The following SIAH2 variants were observed in gnomAD, a reference collection of about 807,000 sequenced individuals.
The protein encoded by SIAH2 is siah E3 ubiquitin protein ligase 2.
A neutral mutation model predicts 20.4 loss-of-function variants in SIAH2; 4 were observed. That is an observed-to-expected ratio of 0.20 (90% CI 0.10 to 0.45). The LOEUF is 0.45. Among genes scored for constraint, SIAH2 ranks in the 20% least tolerant of loss-of-function variants. SIAH2 has a pLI of 0.99. For missense variants in SIAH2, 259 were observed against 440.3 expected, an observed-to-expected ratio of 0.59 and a Z score of 3.69; for synonymous variants, 171 against 192.5, an observed-to-expected ratio of 0.89 and a Z score of 0.93.
intron 1 of SIAH2, among the ~76,000 whole-genome samples, chr3:150,756,318 T>C (rs1487228846): frequency 6.6e-6 from 1 of 152,238 alleles, no homozygotes; most frequent in Admixed American, 6.5e-5. Flanking sequence ...CTGGCACTGG[T>C]ACACAGTTTA....
intron 1 of SIAH2, among the ~76,000 whole-genome samples, chr3:150,761,232 A>G (rs1320068288): frequency 1.3e-5 from 2 of 152,262 alleles, no homozygotes; most frequent in Non-Finnish European, 2.9e-5. Flanking sequence ...ACTGGAAAGT[A>G]TTAGTGACAT....
chr3:150,747,539 G>A (rs1714245263), intron 1 of SIAH2, among the ~76,000 whole-genome samples: 1 of 152,196 alleles, frequency 6.6e-6, no homozygotes, highest in Non-Finnish European at 1.5e-5. Flanking sequence ...CTATAAATGA[G>A]ATTTCTCCTT....
chr3:150,759,321 T>A (rs1190598487), intron 1 of SIAH2, among the ~76,000 whole-genome samples: 1 of 152,216 alleles, frequency 6.6e-6, no homozygotes, highest in Non-Finnish European at 1.5e-5. Context: ...AGTCCAGAGC[T>A]GTGATGATAC....
At chr3:150,748,465 A>T (rs1714277134) in intron 1 of SIAH2, among the ~76,000 whole-genome samples, 1 of 152,188 alleles carries the variant, frequency 6.6e-6, no homozygotes, top group Non-Finnish European at 1.5e-5. Flanking sequence ...TATTTAATTA[A>T]ATCTGATTCC....
chr3:150,754,229 T>A lies in SIAH2; in HGVS notation c.417+8204A>T, dbSNP rs190612001. Among the ~76,000 whole-genome samples, 3 of 152,342 alleles carry A rather than the reference T, an allele frequency of 2.0e-5. No individual in the cohort carries two copies. The East Asian group carries it at 5.8e-4, about 29-fold the overall frequency. ...GAAAAGAGGTTTAATTGGCTCACGG[T>A]TCTGCAAGCTGTACAGGAAGCATAG... On this transcript the variant is annotated intron_variant, in intron 1 of 1. Transcript: ENST00000312960.
chr3:150,761,477 T>G (rs985356409), intron 1 of SIAH2, among the ~76,000 whole-genome samples: 2 of 152,214 alleles, frequency 1.3e-5, no homozygotes, highest in African/African-American at 4.8e-5. Flanking sequence ...GAACAGCAAG[T>G]TGCAGATGCC....
intron 1 of SIAH2, among the ~76,000 whole-genome samples, chr3:150,754,014 A>G (rs775726208): frequency 6.6e-6 from 1 of 152,236 alleles, no homozygotes; most frequent in Non-Finnish European, 1.5e-5. Context: ...TAGAACTGCA[A>G]TATGTGGCCA....
chr3:150,758,960 G>A (rs950213025), intron 1 of SIAH2, among the ~76,000 whole-genome samples: 2 of 151,974 alleles, frequency 1.3e-5, no homozygotes, highest in Admixed American at 6.6e-5. Flanking sequence ...GGTCAGGCTG[G>A]TCTCAAACTC....
At chr3:150,759,974 TGA>T (rs150047514) in intron 1 of SIAH2, among the ~76,000 whole-genome samples, 4,823 of 152,268 alleles carry the variant, frequency 0.032, 231 homozygotes, top group African/African-American at 0.11. Context: ...TGAGAGATTC[TGA>T]GAGCAGGTGG....
chr3:150,744,109 C>G (rs1168002898), intron 1 of SIAH2, among the ~76,000 whole-genome samples: 1 of 151,956 alleles, frequency 6.6e-6, no homozygotes, highest in Admixed American at 6.6e-5. Flanking sequence ...CAAATTCTAA[C>G]CTTCATAGAT....
chr3:150,748,897 G>A (rs1377027297), intron 1 of SIAH2, among the ~76,000 whole-genome samples: 2 of 152,208 alleles, frequency 1.3e-5, no homozygotes, highest in African/African-American at 4.8e-5. Flanking sequence ...GGCAAAAGCT[G>A]TAATTTGAAT....
Position 150,762,684 on chromosome 3 carries a change from A to T in SIAH2, c.166T>A (p.Ser56Thr). 7.2e-7 allele frequency: 1 copy of T among 1,380,196 alleles called. No homozygotes were observed. The highest frequency in any genetic ancestry group is 9.4e-7 in the Non-Finnish European group (1 of 1,065,920). The allele number at this position is 1,380,196 out of a possible 1,614,324, so 85.5% of individuals were successfully genotyped here. ...SAVPAAAAVI[S>T]GPGGGGGAGP... ...GCCCCGCCGCCGCCGCCGGGGCCCG[A>T]GATCACCGCCGCCGCGGCGGGCACC... Residue 56 changes from serine to threonine, a missense_variant, in exon 1 of 2, where the codon TCG becomes ACG. Ser to Thr is a moderately conservative substitution (Grantham distance 58). Coordinates refer to ENST00000312960, the MANE Select transcript of SIAH2 (RefSeq NM_005067.7). This position sits in a 1 kb window ranked among gnomAD's most constrained non-coding sequence, Gnocchi z 6.6.
At chr3:150,751,689 A>G (rs1714369812) in intron 1 of SIAH2, among the ~76,000 whole-genome samples, 1 of 152,164 alleles carries the variant, frequency 6.6e-6, no homozygotes, top group African/African-American at 2.4e-5. Context: ...CTTTCTTACT[A>G]AGAGGTGTCT....
chr3:150,749,537 A>C (rs143740654), intron 1 of SIAH2, among the ~76,000 whole-genome samples: 1,610 of 152,272 alleles, frequency 0.011, 28 homozygotes, highest in African/African-American at 0.037. Context: ...CATACTAAAG[A>C]ATCCAGGGAC....
At chr3:150,749,935 T>A (rs920895271) in intron 1 of SIAH2, among the ~76,000 whole-genome samples, 1 of 152,218 alleles carries the variant, frequency 6.6e-6, no homozygotes, top group African/African-American at 2.4e-5. Flanking sequence ...CTAGACCCAT[T>A]TGAAAGATGA....
chr3:150,750,041 A>C (rs1006569065), intron 1 of SIAH2, among the ~76,000 whole-genome samples: 1 of 152,208 alleles, frequency 6.6e-6, no homozygotes, highest in Admixed American at 6.5e-5. Flanking sequence ...TGGAAGGATG[A>C]ATTTCTGACA....
intron 1 of SIAH2, among the ~76,000 whole-genome samples, chr3:150,758,152 A>C (rs1265800651): frequency 6.6e-6 from 1 of 152,150 alleles, no homozygotes; most frequent in Non-Finnish European, 1.5e-5. Flanking sequence ...ACTTGGTTTT[A>C]TGTTATTTTT....
intron 1 of SIAH2, among the ~76,000 whole-genome samples, chr3:150,756,179 A>C (rs1253203182): frequency 6.6e-6 from 1 of 152,236 alleles, no homozygotes; most frequent in Non-Finnish European, 1.5e-5. Context: ...TCTTAAAATA[A>C]AGATACATTT....
At chr3:150,759,665 C>A (rs142890158) in intron 1 of SIAH2, among the ~76,000 whole-genome samples, 40 of 151,918 alleles carry the variant, frequency 2.6e-4, no homozygotes, top group African/African-American at 9.7e-4. Flanking sequence ...CACATTTAAC[C>A]ACTCTGTAGG....
Sources: allele counts gnomAD v4.1 joint callset (sites outside exome capture counted in the v4.1 genomes callset), GRCh38; gene constraint gnomAD v4.1.1; non-coding constraint Gnocchi (gnomAD v3.1); transcripts MANE v1.5; gene names NCBI Gene and HGNC (gene_info 2026-07-23, HGNC 2026-07-21).